The following GLI3 variants were observed in gnomAD, a reference collection of about 807,000 sequenced individuals.
The protein encoded by GLI3 is GLI family zinc finger 3.
Under a neutral mutation model 100.8 loss-of-function variants are expected in GLI3, and 20 were observed. The observed-to-expected ratio is 0.20, with a 90% CI of 0.14 to 0.29. GLI3 has a LOEUF of 0.29. GLI3 is among the 10% of genes least tolerant of loss of function. The probability of loss-of-function intolerance (pLI) is 1.00; values close to 1 mark genes in which losing one functional copy is unlikely to be tolerated. For synonymous variants in GLI3, 938 were observed against 860.5 expected (o/e 1.09, Z -1.58); for missense variants, 2,040 against 2,128.5 (o/e 0.96, Z 0.82).
At chr7:42,239,517 A>C (rs1160145046), upstream of GLI3, among the ~76,000 whole-genome samples, 1 of 152,234 alleles carries the variant, frequency 6.6e-6, no homozygotes, top group Non-Finnish European at 1.5e-5. Flanking sequence ...CCTCAATCAC[A>C]TGAATACAAA....
intron 2 of GLI3, among the ~76,000 whole-genome samples, chr7:42,150,892 G>C (rs759127090): frequency 1.3e-5 from 2 of 152,150 alleles, no homozygotes; most frequent in Admixed American, 6.5e-5. Flanking sequence ...CCTCTTGAGA[G>C]AATAAACTCA....
intron 3 of GLI3, among the ~76,000 whole-genome samples, chr7:42,091,013 G>A (rs1384645261): frequency 1.3e-5 from 2 of 152,236 alleles, no homozygotes; most frequent in Admixed American, 6.5e-5. Context: ...AGCTACAGCA[G>A]GGCCAACTAC....
intron 3 of GLI3, among the ~76,000 whole-genome samples, chr7:42,122,028 C>T (rs1301872623): frequency 1.3e-5 from 2 of 152,020 alleles, no homozygotes; most frequent in African/African-American, 4.8e-5. Flanking sequence ...CCCAGGCTTC[C>T]ACACCTGTAA....
intron 2 of GLI3, among the ~76,000 whole-genome samples, chr7:42,219,936 C>G (rs1156254134): frequency 6.6e-6 from 1 of 150,934 alleles, no homozygotes. Flanking sequence ...TCACTGTAAG[C>G]TCCACCTCCC....
At chr7:42,190,895 G>A (rs1412260344) in intron 2 of GLI3, among the ~76,000 whole-genome samples, 1 of 151,570 alleles carries the variant, frequency 6.6e-6, no homozygotes, top group Non-Finnish European at 1.5e-5. Context: ...ATCATCAATA[G>A]GTCAAAGGAG....
chr7:42,167,397 A>T (rs17172020), intron 2 of GLI3, among the ~76,000 whole-genome samples: 4,595 of 152,318 alleles, frequency 0.03, 220 homozygotes, highest in African/African-American at 0.11. Context: ...TAGCCCATGC[A>T]TATGAGAGAA....
intron 10 of GLI3, among the ~76,000 whole-genome samples, chr7:41,990,122 TACACACACAC>T (rs3138802): frequency 2.6e-3 from 389 of 148,980 alleles, no homozygotes; most frequent in Non-Finnish European, 4.0e-3. Flanking sequence ...AATGCTTGCT[TACACACACAC>T]ACACACACAC....
chr7:42,253,947 T>C (rs1453619389), intron 1 of GLI3, among the ~76,000 whole-genome samples: 2 of 152,118 alleles, frequency 1.3e-5, no homozygotes, highest in African/African-American at 2.4e-5. Flanking sequence ...GGGCCGGACA[T>C]GATGGTTCAC....
chr7:42,166,540 C>T (rs558926808), intron 2 of GLI3, among the ~76,000 whole-genome samples: 46 of 150,020 alleles, frequency 3.1e-4, no homozygotes, highest in African/African-American at 8.4e-4. Context: ...AACAAGATGC[C>T]AAAAGTGAAA....
rs974786109 is a variant in GLI3 at position 42,198,335 on chromosome 7, C to T, written c.124+24795G>A. ...GGGAAGCCCTGGGCCAGGGCAGGTT[C>T]GGAGCTTCAGAGAGGCAGTCAAGTG... On this transcript the variant is annotated intron_variant, in intron 2 of 14. Coordinates refer to ENST00000395925, the MANE Select transcript of GLI3 (RefSeq NM_000168.6). Among the ~76,000 whole-genome samples the T allele has an allele frequency of 2.0e-5, 3 of 152,144 alleles. 1 individual carries two copies. The highest frequency in any genetic ancestry group is 2.0e-4 in the Admixed American group (3 of 15,272).
intron 4 of GLI3, among the ~76,000 whole-genome samples, chr7:42,055,962 G>A (rs557874502): frequency 1.3e-5 from 2 of 152,214 alleles, no homozygotes; most frequent in East Asian, 1.9e-4. Context: ...AATCATGGAG[G>A]CGGGTCTGTT....
At chr7:41,983,114 CAGA>C (rs1277406799) in intron 10 of GLI3, among the ~76,000 whole-genome samples, 1 of 152,148 alleles carries the variant, frequency 6.6e-6, no homozygotes, top group Non-Finnish European at 1.5e-5. Context: ...ATAGGCTGCA[CAGA>C]AACAAGCAGC....
chr7:42,080,543 C>A (rs542121711), intron 3 of GLI3, among the ~76,000 whole-genome samples: 2 of 152,228 alleles, frequency 1.3e-5, no homozygotes, highest in African/African-American at 4.8e-5. Context: ...GACAATTATA[C>A]CTTGTGTTGG....
intron 7 of GLI3, among the ~76,000 whole-genome samples, chr7:42,029,156 G>C (rs1283757139): frequency 6.6e-6 from 1 of 152,226 alleles, no homozygotes; most frequent in Non-Finnish European, 1.5e-5. Flanking sequence ...CCAGGGCAGG[G>C]TATGGGACAG....
intron 2 of GLI3, among the ~76,000 whole-genome samples, chr7:42,220,262 T>A (rs910656167): frequency 6.6e-6 from 1 of 152,234 alleles, no homozygotes; most frequent in Non-Finnish European, 1.5e-5. Context: ...CTACCTGTTA[T>A]AGCATCCATA....
At chr7:42,057,881 C>A (rs1200951572) in intron 4 of GLI3, among the ~76,000 whole-genome samples, 1 of 151,932 alleles carries the variant, frequency 6.6e-6, no homozygotes, top group Non-Finnish European at 1.5e-5. Flanking sequence ...TGAAAGGCAG[C>A]AGGGGGCGAG....
intron 4 of GLI3, among the ~76,000 whole-genome samples, chr7:42,076,353 T>C (rs1466144482): frequency 1.3e-5 from 2 of 152,232 alleles, no homozygotes; most frequent in Admixed American, 6.5e-5. Context: ...AAAAATTTCA[T>C]TACAATTCCT....
intron 3 of GLI3, among the ~76,000 whole-genome samples, chr7:42,127,461 T>A (rs1324850064): frequency 6.6e-6 from 1 of 152,218 alleles, no homozygotes; most frequent in East Asian, 1.9e-4. Flanking sequence ...TTGCAGACTG[T>A]GGTGCCTTTA....
chr7:42,166,127 C>A (rs1787236389), intron 2 of GLI3, among the ~76,000 whole-genome samples: 1 of 152,182 alleles, frequency 6.6e-6, no homozygotes, highest in Non-Finnish European at 1.5e-5. Context: ...CATGAAGAAC[C>A]ATCCTCAGCC....
Sources: allele counts gnomAD v4.1 joint callset (sites outside exome capture counted in the v4.1 genomes callset), GRCh38; gene constraint gnomAD v4.1.1; transcripts MANE v1.5; gene names NCBI Gene and HGNC (gene_info 2026-07-23, HGNC 2026-07-21).